Variants in AOPEP observed in about 807,000 individuals in gnomAD.
AOPEP encodes aminopeptidase O (putative).
In AOPEP, 77 loss-of-function variants were observed where a neutral mutation model predicts 98.1. That is an observed-to-expected ratio of 0.78 (90% CI 0.65 to 0.95). The LOEUF (loss-of-function observed/expected upper bound fraction) is 0.95, where lower values mean the gene tolerates loss of function less well. AOPEP is among the 40% of genes least tolerant of loss of function. The pLI is 0.00. For missense variants in AOPEP, 1,024 were observed against 1,024.7 expected (o/e 1.00, Z 0.01); for synonymous variants, 346 against 365.3 (o/e 0.95, Z 0.60).
chr9:95,123,794 CA>C, the AOPEP span: 1 of 697,188 alleles, frequency 1.4e-6, no homozygotes, highest in Non-Finnish European at 2.7e-6. Context: ...TTGTGAAGCC[CA>C]CAAGGACTGA....
chr9:94,924,172 G>T lies in AOPEP; in HGVS notation c.1551G>T (p.Gln517His), dbSNP rs1435544600. 7.2e-7 allele frequency: 1 copy of T among 1,392,666 alleles called. No homozygotes were observed. Among genetic ancestry groups the T allele is most frequent in the South Asian group, 1.7e-5 (1 of 59,446 alleles). 86.3% of individuals were successfully genotyped at this position (1,392,666 alleles called of 1,614,324 possible). ...HLEDVFWATA[Q>H]QLAPYEAREQ... ...AGGATGTGTTTTGGGCCACAGCACA[G>T]CAGGTGGGTTAAAGTGACCCTAAGT... The change falls in exon 6 of 17, where the codon CAG (glutamine) becomes CAT (histidine). Residue 517 changes from glutamine (Q) to histidine (H), a missense_variant. By Grantham distance (24) the Gln-to-His change is conservative (BLOSUM62 0). Transcript: ENST00000375315.
rs1483175118 is a variant in AOPEP at position 94,849,502 on chromosome 9, C to CTTT, written c.1364+48501_1364+48503dup. Among the ~76,000 whole-genome samples the CTTT allele has an allele frequency of 6.2e-4, 41 of 66,308 alleles. 1 individual carries two copies. Among genetic ancestry groups the CTTT allele is most frequent in the Middle Eastern group, 0.015 (1 of 68 alleles). 43.5% of individuals were successfully genotyped at this position (66,308 alleles called of 152,430 possible). ...TAACATTTCTTTTTTTTCTTTCTTTCTTTCTTTTTTTTTTTTTGCAGTAAT... is the reference window on the plus strand; with the variant it reads ...TAACATTTCTTTTTTTTCTTTCTTTCTTTTTTCTTTTTTTTTTTTTGCAGTAAT... On this transcript the variant is annotated intron_variant, in intron 5 of 16. Transcript: ENST00000375315.
chr9:95,149,802 G>A, the AOPEP span: 1 of 1,120,606 alleles, frequency 8.9e-7, no homozygotes, highest in South Asian at 1.3e-5. Context: ...ATTTTTAAGA[G>A]TATAAAGGGT....
intron 5 of AOPEP, among the ~76,000 whole-genome samples, chr9:94,840,753 T>A (rs951371855): frequency 3.9e-5 from 6 of 152,166 alleles, no homozygotes; most frequent in South Asian, 2.1e-4. Context: ...ATTTTTTTTT[T>A]AATCTAAGTT....
At chr9:94,770,475 A>C (rs891338574) in intron 2 of AOPEP, among the ~76,000 whole-genome samples, 1 of 152,122 alleles carries the variant, frequency 6.6e-6, no homozygotes, top group Admixed American at 6.5e-5. Flanking sequence ...CAGGTGTCTC[A>C]AGGTGTGCCA....
downstream of AOPEP, among the ~76,000 whole-genome samples, chr9:95,087,400 T>G (rs1170687401): frequency 7.0e-6 from 1 of 142,386 alleles, no homozygotes; most frequent in Non-Finnish European, 1.5e-5. Flanking sequence ...GGAGAATCGC[T>G]TGAACCCAGG....
the AOPEP span, chr9:95,123,753 C>T: frequency 1.4e-6 from 1 of 695,564 alleles, no homozygotes; most frequent in East Asian, 2.8e-5. Flanking sequence ...CTGAGTTGTG[C>T]AATTCACAGC....
intron 2 of AOPEP, among the ~76,000 whole-genome samples, chr9:94,767,215 T>G (rs935408525): frequency 3.3e-5 from 5 of 152,240 alleles, no homozygotes; most frequent in Admixed American, 6.5e-5. Flanking sequence ...TGATATTGTA[T>G]GACTGCAGAG....
At chr9:94,892,841 G>C (rs2049026055) in intron 5 of AOPEP, among the ~76,000 whole-genome samples, 1 of 152,256 alleles carries the variant, frequency 6.6e-6, no homozygotes, top group South Asian at 2.1e-4. Context: ...AGCCTGTCAA[G>C]TAGGTAGGAC....
At chr9:95,082,817 C>A in intron 16 of AOPEP, 98 bp downstream of exon 16, 1 of 1,378,958 alleles carries the variant, frequency 7.3e-7, no homozygotes, top group Admixed American at 1.8e-5. Flanking sequence ...CCAAGACTAC[C>A]CGCAGCATCA....
intron 5 of AOPEP, among the ~76,000 whole-genome samples, chr9:94,888,746 T>C (rs974129157): frequency 2.0e-5 from 3 of 152,202 alleles, no homozygotes; most frequent in Admixed American, 6.5e-5. Context: ...GGAACGTGTT[T>C]AGTCCTTAGT....
At chr9:94,997,209 C>T (rs1052657008) in intron 11 of AOPEP, among the ~76,000 whole-genome samples, 4 of 152,142 alleles carry the variant, frequency 2.6e-5, no homozygotes, top group South Asian at 2.1e-4. Context: ...TCTTCCACTT[C>T]TTTTTAGTTC....
chr9:95,048,258 A>G (rs963939939), intron 13 of AOPEP, among the ~76,000 whole-genome samples: 1 of 152,232 alleles, frequency 6.6e-6, no homozygotes. Context: ...AAAGAGAGAA[A>G]GTCCTCACAT....
At chr9:94,903,106 G>A (rs1046445014) in intron 5 of AOPEP, among the ~76,000 whole-genome samples, 1 of 151,110 alleles carries the variant, frequency 6.6e-6, no homozygotes, top group Non-Finnish European at 1.5e-5. Flanking sequence ...TCAGCCTCCC[G>A]AGTAGCTGGG....
intron 9 of AOPEP, among the ~76,000 whole-genome samples, chr9:94,963,815 G>T (rs958922787): frequency 3.3e-5 from 5 of 152,174 alleles, no homozygotes; most frequent in African/African-American, 7.2e-5. Flanking sequence ...ACAGACGAAA[G>T]AATTGAAAAG....
chr9:94,983,040 T>G (rs1035004500), intron 11 of AOPEP, among the ~76,000 whole-genome samples: 8 of 151,840 alleles, frequency 5.3e-5, no homozygotes, highest in Admixed American at 2.0e-4. Flanking sequence ...TGTTTTTGTT[T>G]TTTTTGAGAC....
chr9:94,743,897 G>A (rs1360513231), intron 1 of AOPEP, among the ~76,000 whole-genome samples: 1 of 152,216 alleles, frequency 6.6e-6, no homozygotes, highest in African/African-American at 2.4e-5. Flanking sequence ...GGTAGATGTG[G>A]TCAGAGTTAA....
chr9:94,787,537 T>C (rs1184020381), intron 3 of AOPEP, among the ~76,000 whole-genome samples: 1 of 152,084 alleles, frequency 6.6e-6, no homozygotes, highest in African/African-American at 2.4e-5. Flanking sequence ...TCAACGCAAA[T>C]GTAGGGAGAA....
In AOPEP at chr9:94,793,151, G is replaced by T. The variant is rs535887421; in HGVS notation, c.1118+233G>T. Among the ~76,000 whole-genome samples, 15 of 152,168 alleles carry T rather than the reference G, an allele frequency of 9.9e-5. 1 individual carries two copies. In the South Asian group the frequency reaches 2.9e-3, roughly 30 times the overall value. On this transcript the variant is annotated intron_variant, in intron 4 of 16. Transcript: ENST00000375315. Reference sequence around the variant, plus strand: ...GAGGCCGAGGCGGGTGGATCACGAGGTCAAGAGACTGAGACCATCCTGACC... The same window carrying T: ...GAGGCCGAGGCGGGTGGATCACGAGTTCAAGAGACTGAGACCATCCTGACC...
Sources: gnomAD v4.1 joint callset for allele counts (sites outside exome capture counted in the v4.1 genomes callset) on GRCh38, gnomAD v4.1.1 for gene constraint, MANE v1.5 for transcripts, NCBI Gene and HGNC (gene_info 2026-07-23, HGNC 2026-07-21) for gene names.